The following RIT1 variants were observed in gnomAD, a reference collection of about 807,000 sequenced individuals.
RIT1 encodes Ras like without CAAX 1, also known as GTP-binding protein Rit1.
In RIT1, 6 loss-of-function variants were observed where a neutral mutation model predicts 25.6. The observed-to-expected ratio is 0.23, with a 90% CI of 0.13 to 0.46. RIT1 has a LOEUF of 0.46. Ranked by LOEUF, RIT1 falls within the 20% of genes least tolerant of loss-of-function variation. RIT1 has a pLI of 0.99. For synonymous variants in RIT1, 81 were observed against 94.1 expected, an observed-to-expected ratio of 0.86 and a Z score of 0.80; for missense variants, 219 against 284.4, an observed-to-expected ratio of 0.77 and a Z score of 1.65.
At chr1:155,910,313 G>A (rs577480696) in intron 3 of RIT1, 137 bp downstream of exon 3, 1 of 706,552 alleles carries the variant, frequency 1.4e-6, no homozygotes, top group South Asian at 1.8e-5. Context: ...CTTACCAACT[G>A]CTGATACCCT....
At chr1:155,905,906 C>T (rs995286919) in intron 3 of RIT1, among the ~76,000 whole-genome samples, 3 of 151,944 alleles carry the variant, frequency 2.0e-5, no homozygotes, top group Admixed American at 6.6e-5. Flanking sequence ...CGGCTCACCA[C>T]AACTTCTGCC....
At position 155,898,025 on chromosome 1, in the gene RIT1, A is replaced by G. The variant is rs1465034757; in HGVS notation, c.*2363T>C. 6.6e-6 allele frequency: 1 copy of G among 152,338 alleles called. No individual in the cohort carries two copies. Among genetic ancestry groups the G allele is most frequent in the Non-Finnish European group, 1.5e-5 (1 of 68,040 alleles). The allele number at this position is 152,338 out of a possible 1,614,324, so 9.4% of individuals were successfully genotyped here. On this transcript the variant is annotated 3_prime_UTR_variant, in exon 6 of 6. Coordinates refer to ENST00000368323, the MANE Select transcript of RIT1 (RefSeq NM_006912.6). ...TTACCGGTCTGGTATGGACATGAAC[A>G]GTTCCAGTGCCTTTCAACTTATCCC...
intron 5 of RIT1, among the ~76,000 whole-genome samples, chr1:155,902,941 T>A (rs1299546420): frequency 6.7e-6 from 1 of 150,026 alleles, no homozygotes; most frequent in East Asian, 2.0e-4. Context: ...GGTGGGAAGA[T>A]CATGAGGTCA....
At chr1:155,904,582 A>C (rs746272715) in intron 4 of RIT1, 80 bp from the exon 5 acceptor site, 2 of 1,365,210 alleles carry the variant, frequency 1.5e-6, no homozygotes, top group South Asian at 2.4e-5. Flanking sequence ...TTTCAGATTA[A>C]AGAAAACGCA....
rs867549 is a variant in RIT1, at chr1:155,910,368, T to C, written c.163+82A>G. ...ATTAGACTCCAAAAAAGCCTCAAAATATAAATAGTTAGAAACTACTGATAT... is the reference window on the plus strand; with the variant it reads ...ATTAGACTCCAAAAAAGCCTCAAAACATAAATAGTTAGAAACTACTGATAT... On this transcript the variant is annotated intron_variant, in intron 3 of 5. Transcript: ENST00000368323. 0.28 allele frequency: 351,511 copies of C among 1,237,012 alleles called. 56,686 individuals are homozygous for C. The highest frequency in any genetic ancestry group is 0.77 in the East Asian group (31,967 of 41,708). The allele number at this position is 1,237,012 out of a possible 1,614,324, so 76.6% of individuals were successfully genotyped here. A position where few individuals can be genotyped will look rare whatever the true frequency, so the allele number is the denominator to read the frequency against.
At chr1:155,910,983 C>T in intron 1 of RIT1, 179 bp from the exon 2 acceptor site, 1 of 1,394,310 alleles carries the variant, frequency 7.2e-7, no homozygotes, top group Non-Finnish European at 9.9e-7. Context: ...CTTCACCCTC[C>T]CTCCTAGACA....
At chr1:155,909,921 C>CAAAAAAAA (rs375935351) in intron 3 of RIT1, among the ~76,000 whole-genome samples, 1 of 108,610 alleles carries the variant, frequency 9.2e-6, no homozygotes, top group Admixed American at 1.1e-4. Flanking sequence ...GACTCCATCT[C>CAAAAAAAA]AAAAAAAAAA....
intron 3 of RIT1, 22 bp downstream of exon 3, chr1:155,910,428 C>T: frequency 6.3e-7 from 1 of 1,599,338 alleles, no homozygotes; most frequent in Non-Finnish European, 8.6e-7. Context: ...TATTTGGAAA[C>T]ATAAGTGATG....
At chr1:155,904,266 C>T (rs1251588789) in intron 5 of RIT1, 45 bp downstream of exon 5, 4 of 1,363,790 alleles carry the variant, frequency 2.9e-6, no homozygotes, top group East Asian at 4.7e-5. Context: ...ACAAAAATGA[C>T]TAATTGTATA....
At chr1:155,909,918 T>C in intron 3 of RIT1, among the ~76,000 whole-genome samples, 1 of 67,462 alleles carries the variant, frequency 1.5e-5, no homozygotes, top group Non-Finnish European at 3.3e-5. Context: ...CGAGACTCCA[T>C]CTCAAAAAAA....
chr1:155,909,921 C>CAAAAAAAAAA (rs375935351), intron 3 of RIT1, among the ~76,000 whole-genome samples: 1 of 108,660 alleles, frequency 9.2e-6, no homozygotes, highest in Admixed American at 1.1e-4. Flanking sequence ...GACTCCATCT[C>CAAAAAAAAAA]AAAAAAAAAA....
Position 155,909,378 on chromosome 1 carries a change from C to CA in RIT1, c.163+1071dup, listed in dbSNP as rs1236205139. 6.1e-3 allele frequency among the ~76,000 whole-genome samples: 800 copies of CA among 130,428 alleles called. 7 individuals carry two copies. The highest frequency in any genetic ancestry group is 0.019 in the African/African-American group (670 of 35,396). 85.6% of individuals were successfully genotyped at this position (130,428 alleles called of 152,430 possible). ...GGGCAACAGGGTGAGACACCGTCTC[C>CA]AAAAAAAAAAACAAAAAAAGAAAAT... On this transcript the variant is annotated intron_variant, in intron 3 of 5. Transcript: ENST00000368323.
At position 155,899,006 on chromosome 1, in the gene RIT1, A is replaced by G; in HGVS notation, c.*1382T>C. The G allele has an allele frequency of 4.7e-6, 1 of 212,284 alleles. No individual in the cohort carries two copies. Among genetic ancestry groups the G allele is most frequent in the Middle Eastern group, 1.5e-3 (1 of 664 alleles). 13.2% of individuals were successfully genotyped at this position (212,284 alleles called of 1,614,324 possible). On this transcript the variant is annotated 3_prime_UTR_variant, in exon 6 of 6. Transcript: ENST00000368323. ...TCTTACGTTTCTAGTCAACACAAAC[A>G]TTGCTTCAGTGACACTTAATATTCA...
In RIT1 at chr1:155,900,442, ACT is replaced by A; in HGVS notation, c.604_605del (p.Ser202CysfsTer38). ...ATGGTGATTTTAGCCTCTTCCATACACTGTTTTTGGGCTTAGATTTTTTCTCC... is the reference window on the plus strand; with the variant it reads ...ATGGTGATTTTAGCCTCTTCCATACAGTTTTTGGGCTTAGATTTTTTCTCC... ...AMEKKSKPKN[S>X]VWKRLKSPFR... On this transcript the variant is annotated frameshift_variant, in exon 6 of 6. Coordinates refer to ENST00000368323, the MANE Select transcript of RIT1 (RefSeq NM_006912.6). LOFTEE classifies it high-confidence loss of function. 6.2e-7 allele frequency: 1 copy of A among 1,614,044 alleles called. No individual in the cohort carries two copies. Among genetic ancestry groups the A allele is most frequent in the Non-Finnish European group, 8.5e-7 (1 of 1,179,996 alleles).
At chr1:155,908,494 G>C (rs1673502322) in intron 3 of RIT1, among the ~76,000 whole-genome samples, 1 of 150,966 alleles carries the variant, frequency 6.6e-6, no homozygotes, top group African/African-American at 2.4e-5. Flanking sequence ...GAGTTCTCAA[G>C]TACATATGCG....
intron 4 of RIT1, 105 bp downstream of exon 4, chr1:155,904,626 T>A (rs1396814945): frequency 8.2e-7 from 1 of 1,221,420 alleles, no homozygotes; most frequent in Non-Finnish European, 1.2e-6. Context: ...TCAGAGTGCA[T>A]GAAAAATTAA....
In RIT1 at chr1:155,900,559, T is replaced by G; in HGVS notation, c.489A>C (p.Thr163=). The change falls in exon 6 of 6, where the codon ACA becomes ACC. Residue 163 remains threonine (T), a synonymous_variant. Coordinates refer to ENST00000368323, the MANE Select transcript of RIT1 (RefSeq NM_006912.6). ...CAATATAGTAGCGGTATGCAGCAGA[T>G]GTCTCAAAAAAGGGACAGCTGAATT... The part of the protein sequence containing the change: ...AREFSCPFFE[T]SAAYRYYIDD... 6.2e-7 allele frequency: 1 copy of G among 1,614,192 alleles called. No homozygotes were observed. The highest frequency in any genetic ancestry group is 1.3e-5 in the African/African-American group (1 of 75,058).
At chr1:155,910,576 T>C (rs966797377) in intron 2 of RIT1, 70 bp from the exon 3 acceptor site, 43 of 1,607,812 alleles carry the variant, frequency 2.7e-5, no homozygotes, top group African/African-American at 8.0e-5. Flanking sequence ...AGTATTAACA[T>C]TGCAAGATAG....
At chr1:155,904,535 G>C in intron 4 of RIT1, 33 bp from the exon 5 acceptor site, 1 of 1,567,402 alleles carries the variant, frequency 6.4e-7, no homozygotes, top group Non-Finnish European at 8.8e-7. Context: ...ATGTATTGAC[G>C]CAATCTAGCC....
Sources: gnomAD v4.1 joint callset for allele counts (sites outside exome capture counted in the v4.1 genomes callset) on GRCh38, gnomAD v4.1.1 for gene constraint, MANE v1.5 for transcripts, NCBI Gene and HGNC (gene_info 2026-07-23, HGNC 2026-07-21) for gene names.